PKD1L1: variants seen among roughly 807,000 people sequenced by gnomAD.
PKD1L1 encodes polycystin 1 like 1, transient receptor potential channel interacting.
Under a neutral mutation model 323.4 loss-of-function variants are expected in PKD1L1, and 236 were observed. That is an observed-to-expected ratio of 0.73 (90% CI 0.66 to 0.81). The LOEUF (loss-of-function observed/expected upper bound fraction) is 0.81. Among genes scored for constraint, PKD1L1 ranks in the 40% least tolerant of loss-of-function variants. PKD1L1 has a pLI of 0.00. For missense variants in PKD1L1, 3,320 were observed against 3,508.0 expected, an observed-to-expected ratio of 0.95 and a Z score of 1.35; for synonymous variants, 1,344 against 1,335.0, an observed-to-expected ratio of 1.01 and a Z score of -0.15.
intron 4 of PKD1L1, among the ~76,000 whole-genome samples, chr7:47,936,134 G>A (rs1787862461): frequency 6.6e-6 from 1 of 152,152 alleles, no homozygotes; most frequent in African/African-American, 2.4e-5. Flanking sequence ...TTTAAATTTT[G>A]TATTGCCTGG....
chr7:47,902,121 T>TA (rs1205728453), intron 13 of PKD1L1, among the ~76,000 whole-genome samples: 1 of 151,892 alleles, frequency 6.6e-6, no homozygotes, highest in Non-Finnish European at 1.5e-5. Flanking sequence ...TGCAGGCGAA[T>TA]AAAGAACTTA....
intron 14 of PKD1L1, among the ~76,000 whole-genome samples, chr7:47,896,593 C>T (rs974850224): frequency 1.3e-5 from 2 of 151,994 alleles, no homozygotes; most frequent in Non-Finnish European, 2.9e-5. Flanking sequence ...TCTACCTCCC[C>T]TACTAGGTTG....
chr7:47,889,833 G>A (rs1165002724), intron 16 of PKD1L1, among the ~76,000 whole-genome samples: 1 of 152,204 alleles, frequency 6.6e-6, no homozygotes, highest in Admixed American at 6.5e-5. Context: ...CCAGCTTGCA[G>A]CCCCGATGGG....
intron 54 of PKD1L1, among the ~76,000 whole-genome samples, chr7:47,797,596 A>T (rs981149586): frequency 6.6e-6 from 1 of 152,198 alleles, no homozygotes; most frequent in Non-Finnish European, 1.5e-5. Flanking sequence ...GTCTCAGAAG[A>T]TAGCATCCAG....
chr7:47,841,771 G>A (rs1356587807), intron 34 of PKD1L1, among the ~76,000 whole-genome samples: 1 of 151,954 alleles, frequency 6.6e-6, no homozygotes, highest in Non-Finnish European at 1.5e-5. Context: ...TTCACTTCTA[G>A]GCACCCCACC....
chr7:47,841,518 G>A (rs1055063298), intron 34 of PKD1L1, among the ~76,000 whole-genome samples: 11 of 152,124 alleles, frequency 7.2e-5, no homozygotes, highest in Non-Finnish European at 1.3e-4. Context: ...ACAAAACACT[G>A]TCCTGGAATT....
At chr7:47,783,281 C>T (rs1786735729) in intron 56 of PKD1L1, among the ~76,000 whole-genome samples, 1 of 152,108 alleles carries the variant, frequency 6.6e-6, no homozygotes, top group African/African-American at 2.4e-5. Flanking sequence ...TGATAATCAA[C>T]ATGTACTAAC....
chr7:47,813,693 T>C (rs1482325647), intron 48 of PKD1L1: 2 of 643,286 alleles, frequency 3.1e-6, no homozygotes, highest in Non-Finnish European at 5.6e-6. Context: ...GGCCAAAGAG[T>C]GAATTGAAGA....
At chr7:47,846,210 T>C (rs1583616306) in intron 32 of PKD1L1, among the ~76,000 whole-genome samples, 1 of 152,208 alleles carries the variant, frequency 6.6e-6, no homozygotes, top group East Asian at 1.9e-4. Flanking sequence ...CTTCTAAATA[T>C]GACTAATAAT....
At chr7:47,881,162 T>C (rs1786545556) in intron 20 of PKD1L1, among the ~76,000 whole-genome samples, 1 of 152,146 alleles carries the variant, frequency 6.6e-6, no homozygotes, top group South Asian at 2.1e-4. Context: ...TTAAGGAATT[T>C]TGAAGCTATT....
At position 47,890,753 on chromosome 7, in the gene PKD1L1, C is replaced by T; in HGVS notation, c.2464G>A (p.Glu822Lys). Residue 822 changes from glutamate to lysine, a missense_variant, in exon 16 of 57, where the codon GAA (glutamate) becomes AAA (lysine). Transcript: ENST00000289672. ...GCTGGGGAGCCAGCGGTGGCGCATT[C>T]CCAGTGATACCTGTTGGAGAAGTCA... ...DPGATLRYHW[E>K]CATAGSPAHP... is the part of the protein sequence containing the mutation. 2 of 1,612,264 alleles carry T rather than the reference C, an allele frequency of 1.2e-6. No homozygotes were observed. The highest frequency in any genetic ancestry group is 1.7e-6 in the Non-Finnish European group (2 of 1,179,982).
chr7:47,782,517 G>A (rs1052196868), intron 56 of PKD1L1, among the ~76,000 whole-genome samples: 1 of 152,184 alleles, frequency 6.6e-6, no homozygotes, highest in South Asian at 2.1e-4. Flanking sequence ...AGAGAAGCCA[G>A]GAAGAAGGTC....
intron 45 of PKD1L1, among the ~76,000 whole-genome samples, chr7:47,825,652 A>G (rs1406196496): frequency 6.6e-6 from 1 of 151,706 alleles, no homozygotes; most frequent in Non-Finnish European, 1.5e-5. Flanking sequence ...CTCTTCTTCA[A>G]GTTTTATGTA....
At chr7:47,925,043 T>A (rs188319649) in intron 7 of PKD1L1, among the ~76,000 whole-genome samples, 1 of 152,172 alleles carries the variant, frequency 6.6e-6, no homozygotes, top group Admixed American at 6.5e-5. Context: ...ACATGAGAAT[T>A]CAGTGAAAGA....
chr7:47,889,554 T>G (rs1786763461), intron 16 of PKD1L1, among the ~76,000 whole-genome samples: 1 of 152,074 alleles, frequency 6.6e-6, no homozygotes, highest in Non-Finnish European at 1.5e-5. Context: ...CTCAGCCTTA[T>G]TTTCATGGCT....
chr7:47,939,645 G>T (rs934804815), intron 3 of PKD1L1, among the ~76,000 whole-genome samples: 2 of 152,166 alleles, frequency 1.3e-5, no homozygotes, highest in African/African-American at 4.8e-5. Flanking sequence ...CATCCAGGTA[G>T]CCCAGTCTTA....
chr7:47,829,896 C>G (rs1048646185), intron 43 of PKD1L1, 144 bp downstream of exon 43: 13 of 841,050 alleles, frequency 1.5e-5, no homozygotes, highest in Non-Finnish European at 2.1e-5. Context: ...TAGCACAGAG[C>G]CTGGCTCCTG....
rs1219543838 is a variant in PKD1L1 at position 47,853,180 on chromosome 7, T to A, written c.4907A>T (p.Tyr1636Phe). 1 of 1,613,788 alleles carries A rather than the reference T, an allele frequency of 6.2e-7. No individual in the cohort carries two copies. Residue 1636 changes from tyrosine to phenylalanine, a missense_variant, in exon 31 of 57, where the codon TAC becomes TTC. Physicochemically the swap from Tyr to Phe is conservative, Grantham distance 22 (BLOSUM62 3). Transcript: ENST00000289672. The part of the protein sequence containing the change: ...TPSDFLVKQI[Y>F]FWDESIVQIY... The stretch of plus-strand genomic sequence containing the variant: ...CTGCACAATTGACTCATCCCAGAAG[T>A]AGATCTGCTTCACAAGAAAATCAGA...
intron 55 of PKD1L1, 120 bp downstream of exon 55, chr7:47,795,869 C>T: frequency 8.0e-7 from 1 of 1,243,810 alleles, no homozygotes; most frequent in South Asian, 1.3e-5. Flanking sequence ...TGTGGCTTTG[C>T]AAGGAGATTT....
Sources: allele counts gnomAD v4.1 joint callset (sites outside exome capture counted in the v4.1 genomes callset), GRCh38; gene constraint gnomAD v4.1.1; transcripts MANE v1.5; gene names NCBI Gene and HGNC (gene_info 2026-07-23, HGNC 2026-07-21).